The following COL4A6 variants were observed in gnomAD, a reference collection of about 807,000 sequenced individuals.
COL4A6 encodes the protein collagen alpha-6(IV) chain.
A neutral mutation model predicts 126.7 loss-of-function variants in COL4A6; 59 were observed. That is an observed-to-expected ratio of 0.47 (90% CI 0.38 to 0.58). The LOEUF is 0.58. Among genes scored for constraint, COL4A6 ranks in the 20% least tolerant of loss-of-function variants. COL4A6 has a pLI of 0.00. For missense variants in COL4A6, 1,285 were observed against 1,337.3 expected, an observed-to-expected ratio of 0.96 and a Z score of 0.61; for synonymous variants, 547 against 496.6, an observed-to-expected ratio of 1.10 and a Z score of -1.35.
intron 2 of COL4A6, among the ~76,000 whole-genome samples, chrX:108,414,010 G>C (rs895513556): frequency 4.5e-5 from 5 of 112,333 alleles, no homozygotes; most frequent in Non-Finnish European, 1.9e-5. Context: ...GAAATTCATA[G>C]AGACATGGAA....
intron 3 of COL4A6, among the ~76,000 whole-genome samples, chrX:108,284,431 C>T (rs2037946667): frequency 9.0e-6 from 1 of 111,243 alleles, no homozygotes; most frequent in South Asian, 3.8e-4. Context: ...GCATGTTCTG[C>T]ACATGTATTC....
chrX:108,408,745 T>C (rs1229032301), intron 2 of COL4A6, among the ~76,000 whole-genome samples: 1 of 111,637 alleles, frequency 9.0e-6, no homozygotes, highest in Non-Finnish European at 1.9e-5. Flanking sequence ...GTGGATCACC[T>C]GAAGTTGGGA....
intron 2 of COL4A6, among the ~76,000 whole-genome samples, chrX:108,404,713 C>G (rs1291882611): frequency 9.0e-6 from 1 of 111,720 alleles, no homozygotes; most frequent in African/African-American, 3.3e-5. Flanking sequence ...ATCTGGCATG[C>G]ATCTCCTAAC....
chrX:108,411,635 G>A (rs866779895), intron 2 of COL4A6, among the ~76,000 whole-genome samples: 55 of 111,684 alleles, frequency 4.9e-4, no homozygotes, highest in African/African-American at 1.7e-3. Flanking sequence ...TAAAACAGAG[G>A]GTTAGATGAG....
chrX:108,208,174 C>T (rs2035605281), intron 8 of COL4A6, among the ~76,000 whole-genome samples: 1 of 111,733 alleles, frequency 8.9e-6, no homozygotes, highest in Non-Finnish European at 1.9e-5. Context: ...CTTCAAATTA[C>T]ATGAAGCAAA....
intron 3 of COL4A6, among the ~76,000 whole-genome samples, chrX:108,275,713 T>C (rs2037582933): frequency 8.9e-6 from 1 of 112,858 alleles, no homozygotes; most frequent in South Asian, 3.6e-4. Context: ...GAAGAGGGGA[T>C]GCAATGTATA....
intron 3 of COL4A6, among the ~76,000 whole-genome samples, chrX:108,234,503 G>A (rs1216930941): frequency 8.9e-6 from 1 of 111,954 alleles, no homozygotes; most frequent in Non-Finnish European, 1.9e-5. Context: ...CATCGGTTCA[G>A]TAAATCGATG....
intron 2 of COL4A6, 125 bp downstream of exon 2, chrX:108,437,817 G>T (rs2147429427): frequency 2.9e-6 from 2 of 695,124 alleles, no homozygotes; most frequent in East Asian, 6.7e-5. Flanking sequence ...CCATTAGAAA[G>T]GGGAGTGGTG....
chrX:108,354,007 G>A (rs936137382), intron 2 of COL4A6, among the ~76,000 whole-genome samples: 1 of 111,555 alleles, frequency 9.0e-6, no homozygotes, highest in Non-Finnish European at 1.9e-5. Context: ...ACAAAAATTA[G>A]CTGGGCATGG....
intron 2 of COL4A6, among the ~76,000 whole-genome samples, chrX:108,325,794 T>C (rs754472606): frequency 2.8e-3 from 303 of 106,844 alleles, no homozygotes; most frequent in African/African-American, 9.8e-3. Flanking sequence ...CTCACCATAT[T>C]AGCAGACCAA....
intron 25 of COL4A6, among the ~76,000 whole-genome samples, 190 bp downstream of exon 25, chrX:108,180,325 A>G (rs2034643246): frequency 9.0e-6 from 1 of 111,532 alleles, no homozygotes; most frequent in Non-Finnish European, 1.9e-5. Context: ...TTGCTCTAAT[A>G]TGCTGTCATT....
chrX:108,374,117 A>C (rs1180059154), intron 2 of COL4A6, among the ~76,000 whole-genome samples: 1 of 112,387 alleles, frequency 8.9e-6, no homozygotes, highest in Non-Finnish European at 1.9e-5. Context: ...AAGCCCCACA[A>C]ACCAAAGGCA....
At chrX:108,210,039 T>A (rs1309306885) in intron 7 of COL4A6, 35 bp from the exon 8 acceptor site, 1 of 1,189,734 alleles carries the variant, frequency 8.4e-7, no homozygotes, top group South Asian at 1.8e-5. Flanking sequence ...AAGAGTTTAA[T>A]AAATTAAGCC....
At chrX:108,299,354 C>A (rs189547458) in intron 3 of COL4A6, among the ~76,000 whole-genome samples, 7 of 111,637 alleles carry the variant, frequency 6.3e-5, no homozygotes, top group Admixed American at 1.9e-4. Flanking sequence ...AGCAAAGGGG[C>A]CCTGTCTGGG....
At chrX:108,329,169 C>A (rs1327148630) in intron 2 of COL4A6, among the ~76,000 whole-genome samples, 1 of 111,018 alleles carries the variant, frequency 9.0e-6, no homozygotes, top group Non-Finnish European at 1.9e-5. Context: ...AGGGTGACTG[C>A]AGTCAAAAGT....
At chrX:108,367,060 G>A in intron 2 of COL4A6, among the ~76,000 whole-genome samples, 2 of 112,271 alleles carry the variant, frequency 1.8e-5, no homozygotes, top group Middle Eastern at 4.6e-3. Context: ...ACAAGTGTTA[G>A]AAATCTAGCA....
intron 2 of COL4A6, among the ~76,000 whole-genome samples, chrX:108,346,711 C>T (rs2039716909): frequency 8.9e-6 from 1 of 112,245 alleles, no homozygotes; most frequent in African/African-American, 3.2e-5. Flanking sequence ...CTGGTCAAAG[C>T]CACCAAACTT....
upstream of COL4A6, chrX:108,439,221 T>G (rs1218595312): frequency 3.1e-5 from 8 of 257,882 alleles, no homozygotes; most frequent in South Asian, 3.3e-4. Flanking sequence ...TAGGATTCAA[T>G]GCAGCTAAAC....
chrX:108,294,361 T>C (rs2038254156), intron 3 of COL4A6, among the ~76,000 whole-genome samples: 1 of 109,999 alleles, frequency 9.1e-6, no homozygotes, highest in South Asian at 3.9e-4. Flanking sequence ...TGCAAACTAA[T>C]GTCACTAGCT....
Sources: allele counts gnomAD v4.1 joint callset (sites outside exome capture counted in the v4.1 genomes callset), GRCh38; gene constraint gnomAD v4.1.1; transcripts MANE v1.5; gene names NCBI Gene and HGNC (gene_info 2026-07-23, HGNC 2026-07-21).